Variants in PRKCE observed in about 807,000 individuals in gnomAD.
PRKCE encodes protein kinase C epsilon.
Under a neutral mutation model 85.4 loss-of-function variants are expected in PRKCE, and 16 were observed. The observed-to-expected ratio is 0.19, with a 90% CI of 0.13 to 0.28. The LOEUF is 0.28. Among genes scored for constraint, PRKCE ranks in the 10% least tolerant of loss-of-function variants. The pLI, the probability that PRKCE is intolerant of heterozygous loss-of-function variation, is 1.00. For synonymous variants in PRKCE, 388 were observed against 371.5 expected (o/e 1.04, Z -0.51); for missense variants, 573 against 975.2 (o/e 0.59, Z 5.49).
chr2:46,044,631 C>T (rs562153730), intron 10 of PRKCE, among the ~76,000 whole-genome samples: 4 of 152,280 alleles, frequency 2.6e-5, no homozygotes, highest in African/African-American at 9.6e-5. Flanking sequence ...ATTTTAAATG[C>T]AAAGTCCTGT....
intron 2 of PRKCE, among the ~76,000 whole-genome samples, chr2:45,940,105 G>A (rs997567426): frequency 1.2e-4 from 18 of 152,244 alleles, no homozygotes; most frequent in Admixed American, 1.1e-3. Flanking sequence ...TCACTTACTG[G>A]TTCCTGAAAT....
chr2:46,060,244 C>G (rs895913982), intron 10 of PRKCE, among the ~76,000 whole-genome samples: 14 of 152,132 alleles, frequency 9.2e-5, no homozygotes, highest in African/African-American at 3.4e-4. Context: ...TTTCAGCCCC[C>G]CAAAGCTGAA....
Position 45,774,711 on chromosome 2 carries a change from A to G in PRKCE, c.349-68289A>G, listed in dbSNP as rs545939124. 1.3e-5 allele frequency among the ~76,000 whole-genome samples: 2 copies of G among 152,118 alleles called. No homozygotes were observed. The highest frequency in any genetic ancestry group is 4.2e-4 in the South Asian group (2 of 4,806). Reference sequence around the variant, plus strand: ...ACCTGATTTCCCACCTTGCCTTCTGATAGATGAATCAAGCCGGGACGCCCA... The same window carrying G: ...ACCTGATTTCCCACCTTGCCTTCTGGTAGATGAATCAAGCCGGGACGCCCA... On this transcript the variant is annotated intron_variant, in intron 1 of 14. Transcript: ENST00000306156. This position sits in a 1 kb window ranked among gnomAD's most constrained non-coding sequence, Gnocchi z 4.3.
At chr2:46,182,104 C>G (rs2104729057) in intron 14 of PRKCE, among the ~76,000 whole-genome samples, 1 of 152,258 alleles carries the variant, frequency 6.6e-6, no homozygotes, top group East Asian at 1.9e-4. Flanking sequence ...GCTCCAGCTC[C>G]CCCGGCGTGG....
intron 1 of PRKCE, among the ~76,000 whole-genome samples, chr2:45,785,406 G>A (rs1686519529): frequency 6.6e-6 from 1 of 151,960 alleles, no homozygotes; most frequent in African/African-American, 2.4e-5. Flanking sequence ...CAGGAGAATT[G>A]CTTGGACCTG....
At chr2:46,020,145 C>T (rs954625379) in intron 10 of PRKCE, among the ~76,000 whole-genome samples, 4 of 152,042 alleles carry the variant, frequency 2.6e-5, no homozygotes, top group East Asian at 1.9e-4. Context: ...CCACTGTGCC[C>T]GGCCAAGCTG....
rs1044914159 is a variant in PRKCE, at chr2:45,786,882, C to T, written c.349-56118C>T. Among the ~76,000 whole-genome samples, 29 of 152,172 alleles carry T rather than the reference C, an allele frequency of 1.9e-4. No homozygotes were observed. Among genetic ancestry groups the T allele is most frequent in the African/African-American group, 6.0e-4 (25 of 41,432 alleles). Reference sequence around the variant, plus strand: ...AAATCACATGGCAATAGTAGAGATGCGATTCAAACCCTAGGGAATACGATT... The same window carrying T: ...AAATCACATGGCAATAGTAGAGATGTGATTCAAACCCTAGGGAATACGATT... On this transcript the variant is annotated intron_variant, in intron 1 of 14. Transcript: ENST00000306156. This position sits in a 1 kb window ranked among gnomAD's most constrained non-coding sequence, Gnocchi z 5.3.
intron 1 of PRKCE, among the ~76,000 whole-genome samples, chr2:45,806,741 T>C (rs1365858622): frequency 6.6e-6 from 1 of 152,200 alleles, no homozygotes; most frequent in African/African-American, 2.4e-5. Context: ...CCCTTAATTG[T>C]TCTCAGGATG....
At chr2:45,870,275 C>G (rs1188310394) in intron 2 of PRKCE, among the ~76,000 whole-genome samples, 1 of 152,148 alleles carries the variant, frequency 6.6e-6, no homozygotes, top group African/African-American at 2.4e-5. Context: ...GAGTGCAATT[C>G]ATGGAGTACT....
At chr2:46,023,724 G>A (rs530702043) in intron 10 of PRKCE, among the ~76,000 whole-genome samples, 2 of 152,128 alleles carry the variant, frequency 1.3e-5, no homozygotes, top group Non-Finnish European at 2.9e-5. Flanking sequence ...GGAGGTTACC[G>A]GTTCCAGTGA....
intron 11 of PRKCE, among the ~76,000 whole-genome samples, chr2:46,119,760 T>C (rs989778182): frequency 1.3e-5 from 2 of 152,228 alleles, no homozygotes; most frequent in African/African-American, 4.8e-5. Context: ...ACGTAGATTC[T>C]CACTAAAATG....
Position 45,850,834 on chromosome 2 carries a change from G to C in PRKCE, c.412+7771G>C, listed in dbSNP as rs954766257. On this transcript the variant is annotated intron_variant, in intron 2 of 14. Coordinates refer to ENST00000306156, the MANE Select transcript of PRKCE (RefSeq NM_005400.3). The stretch of plus-strand genomic sequence containing the variant: ...TGAGTGTCTCTGAATCACCTATTCT[G>C]TCTCCCCCTCATCCTCCATTTCTTC... Among the ~76,000 whole-genome samples the C allele has an allele frequency of 9.9e-5, 15 of 152,222 alleles. No homozygotes were observed. The East Asian group carries it at 2.3e-3, about 24-fold the overall frequency.
intron 1 of PRKCE, among the ~76,000 whole-genome samples, chr2:45,787,212 G>C (rs997947467): frequency 2.0e-5 from 3 of 152,252 alleles, no homozygotes; most frequent in Non-Finnish European, 4.4e-5. Flanking sequence ...AGCTGGAGCT[G>C]AGTGCAGGCT....
At position 46,145,036 on chromosome 2, in the gene PRKCE, G is replaced by A; in HGVS notation, c.1593-57G>A. On this transcript the variant is annotated intron_variant, in intron 11 of 14. Transcript: ENST00000306156. The surrounding 1 kb of genome is among the most constrained non-coding windows in gnomAD (Gnocchi z 4.6). ...AGATAGGCACATACCTCCAACTCAG[G>A]AAGACTATATTGGGGTGAGTGACGT... is the stretch of plus-strand genomic sequence containing the variant. 6.3e-7 allele frequency: 1 copy of A among 1,590,384 alleles called. No homozygotes were observed. The highest frequency in any genetic ancestry group is 8.5e-7 in the Non-Finnish European group (1 of 1,172,524).
At chr2:46,180,993 G>A (rs1241135194) in intron 14 of PRKCE, among the ~76,000 whole-genome samples, 3 of 152,180 alleles carry the variant, frequency 2.0e-5, no homozygotes, top group Non-Finnish European at 4.4e-5. Context: ...TCATCTCTCA[G>A]GCTCTGCAGT....
intron 1 of PRKCE, among the ~76,000 whole-genome samples, chr2:45,664,353 C>T (rs1675814883): frequency 6.6e-6 from 1 of 152,162 alleles, no homozygotes; most frequent in African/African-American, 2.4e-5. Flanking sequence ...TCTCCTCATC[C>T]ATAAAATGGG....
At chr2:45,976,133 T>A (rs1702436435) in intron 2 of PRKCE, among the ~76,000 whole-genome samples, 1 of 152,174 alleles carries the variant, frequency 6.6e-6, no homozygotes, top group Admixed American at 6.5e-5. Context: ...TGAAACCAGC[T>A]GTAGCCTGTG....
intron 2 of PRKCE, among the ~76,000 whole-genome samples, chr2:45,846,466 T>C (rs904185372): frequency 1.3e-5 from 2 of 152,098 alleles, no homozygotes; most frequent in African/African-American, 4.8e-5. Context: ...AGTAGGCCCA[T>C]TGGTATGTTT....
intron 1 of PRKCE, among the ~76,000 whole-genome samples, chr2:45,725,494 C>G (rs1680982306): frequency 6.6e-6 from 1 of 152,128 alleles, no homozygotes. Flanking sequence ...ATTGATTTCT[C>G]TGATGGATTG....
Sources: gnomAD v4.1 joint callset for allele counts (sites outside exome capture counted in the v4.1 genomes callset) on GRCh38, gnomAD v4.1.1 for gene constraint, Gnocchi (gnomAD v3.1) non-coding constraint, MANE v1.5 for transcripts, NCBI Gene and HGNC (gene_info 2026-07-23, HGNC 2026-07-21) for gene names.